The following SLC7A6 variants were observed in gnomAD, a reference collection of about 807,000 sequenced individuals.
SLC7A6 encodes Y+L amino acid transporter 2.
A neutral mutation model predicts 46.6 loss-of-function variants in SLC7A6; 29 were observed. The ratio of observed to expected loss-of-function variants is 0.62; its 90% CI spans 0.46 to 0.85. The LOEUF (loss-of-function observed/expected upper bound fraction) is 0.85. Among genes scored for constraint, SLC7A6 ranks in the 40% least tolerant of loss-of-function variants. SLC7A6 has a pLI of 0.00. For missense variants in SLC7A6, 527 were observed against 647.6 expected (o/e 0.81, Z 2.02); for synonymous variants, 276 against 257.3 (o/e 1.07, Z -0.70).
chr16:68,296,740 A>G lies in SLC7A6; in HGVS notation c.1383A>G (p.Gly461=), dbSNP rs1201163331. 7 of 1,613,974 alleles carry G rather than the reference A, an allele frequency of 4.3e-6. No homozygotes were observed. The highest frequency in any genetic ancestry group is 1.7e-5 in the Admixed American group (1 of 59,992). The change falls in exon 10 of 11, where the codon GGA becomes GGG. Residue 461 remains glycine (G), a synonymous_variant. Coordinates refer to ENST00000219343, the MANE Select transcript of SLC7A6 (RefSeq NM_003983.6). ...TTGGCATCGGGATTGCCCTTTCTGG[A>G]GTCCCTTTCTACTTCATGGGTGTTT... ...SLIGIGIALS[G]VPFYFMGVYL...
chr16:68,297,233 G>A lies in SLC7A6; in HGVS notation c.1454-1G>A. On this transcript the variant is annotated splice_acceptor_variant, in intron 10 of 10. Transcript: ENST00000219343. LOFTEE classifies it high-confidence loss of function. ...CCTGTGCTTGCTCTATTTTCATTTA[G>A]CTGCTATCACCAGAGGCACCCAGCA... is the stretch of plus-strand genomic sequence containing the variant. The A allele has an allele frequency of 1.2e-6, 2 of 1,613,650 alleles. No individual in the cohort carries two copies. Among genetic ancestry groups the A allele is most frequent in the Non-Finnish European group, 1.7e-6 (2 of 1,179,820 alleles).
chr16:68,286,550 A>T (rs1203798774), intron 3 of SLC7A6, among the ~76,000 whole-genome samples: 1 of 152,206 alleles, frequency 6.6e-6, no homozygotes, highest in East Asian at 1.9e-4. Context: ...TTTGAGGTGC[A>T]CATAAAAGTT....
chr16:68,278,754 CCCA>C (rs2042768189), intron 3 of SLC7A6, among the ~76,000 whole-genome samples: 1 of 152,170 alleles, frequency 6.6e-6, no homozygotes, highest in Non-Finnish European at 1.5e-5. Flanking sequence ...CTATCTTTTC[CCCA>C]CATTTCCCCC....
intron 8 of SLC7A6, among the ~76,000 whole-genome samples, chr16:68,295,988 T>C (rs111624405): frequency 1.1e-4 from 17 of 152,290 alleles, no homozygotes; most frequent in African/African-American, 3.8e-4. Flanking sequence ...CTGAAGGCGT[T>C]TCCCCCATTT....
rs1309352184 is a variant in SLC7A6, at chr16:68,290,495, G to T, written c.749G>T (p.Trp250Leu). 1 of 1,614,124 alleles carries T rather than the reference G, an allele frequency of 6.2e-7. No homozygotes were observed. Among genetic ancestry groups the T allele is most frequent in the Non-Finnish European group, 8.5e-7 (1 of 1,180,028 alleles). The change falls in exon 5 of 11, where the codon TGG becomes TTG. Residue 250 changes from tryptophan (W) to leucine (L), a missense_variant. Trp to Leu is a moderately conservative substitution (Grantham distance 61). Coordinates refer to ENST00000219343, the MANE Select transcript of SLC7A6 (RefSeq NM_003983.6). The part of the protein sequence containing the change: ...LYSALFSYSG[W>L]DTLNFVTEEI... ...TCTGCCCTCTTCTCTTACTCAGGTT[G>T]GGACACCCTTAATTTTGTAACAGAA...
intron 2 of SLC7A6, 144 bp from the exon 3 acceptor site, chr16:68,274,547 T>A (rs2042675000): frequency 1.5e-6 from 1 of 653,012 alleles, no homozygotes; most frequent in African/African-American, 1.8e-5. Context: ...CTGTGTTCTA[T>A]GGTGGGAACT....
rs1175952054 is a variant in SLC7A6, at chr16:68,298,515, TTGG to T, written c.*1190_*1192del. 1 of 152,278 alleles carries T rather than the reference TTGG, an allele frequency of 6.6e-6. No homozygotes were observed. Among genetic ancestry groups the T allele is most frequent in the Non-Finnish European group, 1.5e-5 (1 of 68,072 alleles). 9.4% of individuals were successfully genotyped at this position (152,278 alleles called of 1,614,324 possible). The stretch of plus-strand genomic sequence containing the variant: ...GGCTTTGTTTACACTTGGAGCCACC[TTGG>T]TGTGGGTCACCGGGACAGTGTACTC... On this transcript the variant is annotated 3_prime_UTR_variant, in exon 11 of 11. Coordinates refer to ENST00000219343, the MANE Select transcript of SLC7A6 (RefSeq NM_003983.6).
At chr16:68,278,448 C>T (rs746716412) in intron 3 of SLC7A6, among the ~76,000 whole-genome samples, 10 of 148,282 alleles carry the variant, frequency 6.7e-5, no homozygotes, top group South Asian at 4.3e-4. Context: ...GAGGACCCTG[C>T]GGCCTTTTTT....
chr16:68,273,393 A>C (rs1448004651), intron 2 of SLC7A6, among the ~76,000 whole-genome samples: 1 of 152,130 alleles, frequency 6.6e-6, no homozygotes, highest in Non-Finnish European at 1.5e-5. Flanking sequence ...GTGGGTGGGA[A>C]TCAAATGGCC....
At chr16:68,267,205 G>GA (rs2042548532) in intron 2 of SLC7A6, among the ~76,000 whole-genome samples, 2 of 134,356 alleles carry the variant, frequency 1.5e-5, no homozygotes, top group African/African-American at 5.9e-5. Flanking sequence ...AATTGTGGTG[G>GA]ATTTTTTTTT....
In SLC7A6 at chr16:68,274,758, C is replaced by T. The variant is rs151229239; in HGVS notation, c.32C>T (p.Pro11Leu). 86 of 1,614,070 alleles carry T rather than the reference C, an allele frequency of 5.3e-5. No individual in the cohort carries two copies. Among genetic ancestry groups the T allele is most frequent in the Admixed American group, 8.3e-5 (5 of 60,010 alleles). The change falls in exon 3 of 11, where the codon CCC becomes CTC. Residue 11 changes from proline (P) to leucine (L), a missense_variant. Pro to Leu is a moderately conservative substitution (Grantham distance 98). Transcript: ENST00000219343. The part of the protein sequence containing the change: MEAREPGRPT[P>L]TYHLVPNTSQ... ...GCCAGGGAGCCTGGGAGGCCCACACCCACCTACCATCTTGTCCCTAACACC... is the reference window on the plus strand; with the variant it reads ...GCCAGGGAGCCTGGGAGGCCCACACTCACCTACCATCTTGTCCCTAACACC...
intron 4 of SLC7A6, chr16:68,289,974 G>A (rs780382789): frequency 4.8e-5 from 8 of 166,794 alleles, no homozygotes; most frequent in Non-Finnish European, 9.1e-5. Flanking sequence ...ATGTGAAATG[G>A]GGTTCTTGAC....
chr16:68,293,173 T>C (rs1036761976), intron 7 of SLC7A6, among the ~76,000 whole-genome samples: 3 of 152,146 alleles, frequency 2.0e-5, no homozygotes, highest in African/African-American at 7.2e-5. Context: ...CCCAGCACTT[T>C]GGGAGGCTTA....
intron 2 of SLC7A6, among the ~76,000 whole-genome samples, chr16:68,267,413 C>T (rs565052995): frequency 2.0e-5 from 3 of 151,732 alleles, no homozygotes; most frequent in Non-Finnish European, 4.4e-5. Flanking sequence ...TAGGGTTTCA[C>T]TATGTTGGCC....
At chr16:68,295,385 T>C (rs2043142011) in intron 8 of SLC7A6, among the ~76,000 whole-genome samples, 1 of 152,252 alleles carries the variant, frequency 6.6e-6, no homozygotes, top group Non-Finnish European at 1.5e-5. Context: ...TCTCTTGATA[T>C]TTTGACAGGG....
At chr16:68,275,370 C>T (rs948187110) in intron 3 of SLC7A6, 121 bp downstream of exon 3, 19 of 1,253,754 alleles carry the variant, frequency 1.5e-5, no homozygotes, top group Admixed American at 1.3e-4. Context: ...CTGAGGCGGG[C>T]GGATCACCTG....
Position 68,290,399 on chromosome 16 carries a change from A to T in SLC7A6, c.653A>T (p.His218Leu). 6.2e-7 allele frequency: 1 copy of T among 1,613,146 alleles called. No homozygotes were observed. Among genetic ancestry groups the T allele is most frequent in the Non-Finnish European group, 8.5e-7 (1 of 1,179,832 alleles). Residue 218 changes from histidine to leucine, a missense_variant, in exon 5 of 11, where the codon CAC (histidine) becomes CTC (leucine). By Grantham distance (99) the His-to-Leu change is moderately conservative. Transcript: ENST00000219343. Reference protein sequence around the residue: ...VMGLVKLCQGHSEHFQDAFEG... With the variant: ...VMGLVKLCQGLSEHFQDAFEG... ...TCACCTGCCTTTGCCCCCACAGGAC[A>T]CTCTGAGCACTTTCAGGACGCCTTT...
rs1766931546 is a variant in SLC7A6, at chr16:68,298,637, G to GAT, written c.*1310_*1311dup. 6.6e-6 allele frequency: 1 copy of GAT among 152,250 alleles called. No homozygotes were observed. Among genetic ancestry groups the GAT allele is most frequent in the African/African-American group, 2.4e-5 (1 of 41,442 alleles). 9.4% of individuals were successfully genotyped at this position (152,250 alleles called of 1,614,324 possible). A position where few individuals can be genotyped will look rare whatever the true frequency, so the allele number is the denominator to read the frequency against. ...GGGACTTCTGTTTTCTCCCTGTGGA[G>GAT]ATCAGTGAAGACTGGGAGGAAAGCT... On this transcript the variant is annotated 3_prime_UTR_variant, in exon 11 of 11. Transcript: ENST00000219343.
At chr16:68,276,638 C>G (rs1393823534) in intron 3 of SLC7A6, among the ~76,000 whole-genome samples, 1 of 152,136 alleles carries the variant, frequency 6.6e-6, no homozygotes, top group Non-Finnish European at 1.5e-5. Flanking sequence ...GTCTGATAGG[C>G]TTTGGCTAGG....
Sources: allele counts gnomAD v4.1 joint callset (sites outside exome capture counted in the v4.1 genomes callset), GRCh38; gene constraint gnomAD v4.1.1; transcripts MANE v1.5; gene names NCBI Gene and HGNC (gene_info 2026-07-23, HGNC 2026-07-21).